The following POLQ variants were observed in gnomAD, a reference collection of about 807,000 sequenced individuals.
POLQ encodes the protein DNA polymerase theta.
POLQ carries 233 observed loss-of-function variants against 259.2 expected under a neutral mutation model. The ratio of observed to expected loss-of-function variants is 0.90; its 90% CI spans 0.81 to 1.00. POLQ has a LOEUF of 1.00. Among genes scored for constraint, POLQ ranks in the 50% least tolerant of loss-of-function variants. The pLI is 0.00. For synonymous variants in POLQ, 1,025 were observed against 1,048.8 expected (o/e 0.98, Z 0.44); for missense variants, 2,871 against 3,051.6 (o/e 0.94, Z 1.39).
chr3:121,455,079 CA>C (rs2047720862), intron 25 of POLQ, among the ~76,000 whole-genome samples: 1 of 151,130 alleles, frequency 6.6e-6, no homozygotes, highest in Admixed American at 6.6e-5. Context: ...TTAAGAAACT[CA>C]CTCAAAACCA....
rs781652004 is a variant in POLQ at position 121,489,884 on chromosome 3, A to G, written c.3047T>C (p.Val1016Ala). 2 of 1,603,826 alleles carry G rather than the reference A, an allele frequency of 1.2e-6. No homozygotes were observed. The highest frequency in any genetic ancestry group is 2.2e-5 in the East Asian group (1 of 44,840). Residue 1016 changes from valine to alanine, a missense_variant, in exon 16 of 30, where the codon GTT (valine) becomes GCT (alanine). This residue lies in a region of POLQ where 2,080 missense variants were observed against 2,126.0 expected (regional missense o/e 0.98). Coordinates refer to ENST00000264233, the MANE Select transcript of POLQ (RefSeq NM_199420.4). Reference sequence around the variant, plus strand: ...TTTTGTTTTCTGTGAAAAAGTCTGAACAACTTTCTTATCACTTGTTTTCCC... The same window carrying G: ...TTTTGTTTTCTGTGAAAAAGTCTGAGCAACTTTCTTATCACTTGTTTTCCC... ...NEGKTSDKKVVQTFSQKTKKA... is the reference protein window; with the variant it reads ...NEGKTSDKKVAQTFSQKTKKA...
At chr3:121,466,971 A>G (rs2047842294) in intron 24 of POLQ, among the ~76,000 whole-genome samples, 1 of 152,252 alleles carries the variant, frequency 6.6e-6, no homozygotes, top group South Asian at 2.1e-4. Context: ...TGCAAGTTAC[A>G]TCATAACTTC....
At chr3:121,482,601 C>T (rs1166406555) in intron 18 of POLQ, among the ~76,000 whole-genome samples, 3 of 58,854 alleles carry the variant, frequency 5.1e-5, no homozygotes, top group African/African-American at 8.4e-5. Flanking sequence ...TACACTTTCC[C>T]CTCAGAATGG....
At chr3:121,434,754 C>A (rs918086108) in intron 28 of POLQ, among the ~76,000 whole-genome samples, 1 of 152,164 alleles carries the variant, frequency 6.6e-6, no homozygotes, top group Non-Finnish European at 1.5e-5. Flanking sequence ...CTAGAAATAG[C>A]AAATCTCATC....
At position 121,537,212 on chromosome 3, in the gene POLQ, A is replaced by G. The variant is rs1481289875; in HGVS notation, c.632-4T>C. ...AATTCATCCACAACCACCATTCCTA[A>G]AAAGATTTTCCAGATACTAGGTTTT... On this transcript the variant is annotated splice_region_variant and splice_polypyrimidine_tract_variant and intron_variant, in intron 4 of 29. Coordinates refer to ENST00000264233, the MANE Select transcript of POLQ (RefSeq NM_199420.4). The G allele has an allele frequency of 1.3e-6, 2 of 1,537,412 alleles. No homozygotes were observed. The highest frequency in any genetic ancestry group is 1.8e-6 in the Non-Finnish European group (2 of 1,112,396).
At position 121,489,802 on chromosome 3, in the gene POLQ, T is replaced by C. The variant is rs2048050342; in HGVS notation, c.3129A>G (p.Lys1043=). 1 of 1,612,916 alleles carries C rather than the reference T, an allele frequency of 6.2e-7. No homozygotes were observed. The highest frequency in any genetic ancestry group is 1.3e-5 in the African/African-American group (1 of 75,012). The change falls in exon 16 of 30, where the codon AAA becomes AAG. Residue 1043 remains lysine (K), a synonymous_variant. Transcript: ENST00000264233. ...EKMSRSFRSW[K]RRKHLKRSRD... ...TAGATCGCTTTAGATGCTTTCTACG[T>C]TTCCAAGATCGAAAACTTCTGCTCA...
intron 20 of POLQ, among the ~76,000 whole-genome samples, chr3:121,473,916 A>T (rs1401001287): frequency 2.0e-5 from 3 of 151,984 alleles, no homozygotes; most frequent in Non-Finnish European, 4.4e-5. Flanking sequence ...TGGTAGAGAC[A>T]GGATTTCGCC....
At chr3:121,484,597 C>G (rs1161496897) in intron 17 of POLQ, among the ~76,000 whole-genome samples, 2 of 152,142 alleles carry the variant, frequency 1.3e-5, no homozygotes, top group African/African-American at 4.8e-5. Context: ...ATGCCAGCTG[C>G]TCTCCAAAAA....
chr3:121,467,438 C>T, intron 24 of POLQ, 81 bp downstream of exon 24: 1 of 1,374,230 alleles, frequency 7.3e-7, no homozygotes, highest in South Asian at 1.3e-5. Context: ...CTCTAAGTCT[C>T]ACTCATATTT....
chr3:121,473,727 C>CTTTT (rs10636473), intron 20 of POLQ, among the ~76,000 whole-genome samples: 32 of 114,250 alleles, frequency 2.8e-4, no homozygotes, highest in East Asian at 5.6e-4. Context: ...AACACAAGGC[C>CTTTT]TTTTTTTTTT....
At chr3:121,511,748 G>A (rs1055087156) in intron 10 of POLQ, 139 bp downstream of exon 10, 16 of 640,310 alleles carry the variant, frequency 2.5e-5, no homozygotes, top group South Asian at 2.0e-4. Context: ...ATTGTACTCC[G>A]GCCTGGGTAA....
At chr3:121,460,013 T>A in intron 25 of POLQ, 37 bp downstream of exon 25, 1 of 1,501,174 alleles carries the variant, frequency 6.7e-7, no homozygotes, top group Non-Finnish European at 9.2e-7. Context: ...GTCACTAAAT[T>A]CTTCTCCTTT....
chr3:121,490,183 G>T lies in POLQ; in HGVS notation c.2748C>A (p.Ser916=), dbSNP rs776619618. The T allele has an allele frequency of 1.9e-6, 3 of 1,611,706 alleles. No homozygotes were observed. The highest frequency in any genetic ancestry group is 2.5e-6 in the Non-Finnish European group (3 of 1,178,342). The change falls in exon 16 of 30, where the codon TCC becomes TCA. Residue 916 remains serine (S), a synonymous_variant. Coordinates refer to ENST00000264233, the MANE Select transcript of POLQ (RefSeq NM_199420.4). ...ATATAAATGTGTGTTCCTTTACTTC[G>T]GACTCACTATGAGTCAATGAGCATG... ...SSTCSLTHSE[S]EVKEHTFISQ... is the part of the protein sequence containing the mutation.
At position 121,490,166 on chromosome 3, in the gene POLQ, G is replaced by C; in HGVS notation, c.2765C>G (p.Thr922Arg). ...THSESEVKEH[T>R]FISQTKSSYK... The stretch of plus-strand genomic sequence containing the variant: ...AGAACTCTTAGTTTGGGATATAAAT[G>C]TGTGTTCCTTTACTTCGGACTCACT... The change falls in exon 16 of 30, where the codon ACA becomes AGA. Residue 922 changes from threonine (T) to arginine (R), a missense_variant. Physicochemically the swap from Thr to Arg is moderately conservative, Grantham distance 71. Around this residue, in one of 3 missense-constraint regions of POLQ, gnomAD observed 2,080 missense variants for 2,126.0 expected, o/e 0.98. Coordinates refer to ENST00000264233, the MANE Select transcript of POLQ (RefSeq NM_199420.4). The C allele has an allele frequency of 1.2e-6, 2 of 1,611,264 alleles. No individual in the cohort carries two copies. The highest frequency in any genetic ancestry group is 1.7e-6 in the Non-Finnish European group (2 of 1,177,874).
intron 2 of POLQ, among the ~76,000 whole-genome samples, chr3:121,542,429 G>A (rs1023240240): frequency 6.6e-5 from 10 of 152,218 alleles, no homozygotes; most frequent in African/African-American, 2.2e-4. Context: ...GGAATGCCAT[G>A]CCTAAGAAAC....
chr3:121,489,129 C>T lies in POLQ; in HGVS notation c.3802G>A (p.Val1268Ile), dbSNP rs142531238. The T allele has an allele frequency of 5.0e-4, 802 of 1,613,802 alleles. 6 individuals are homozygous for T. Among genetic ancestry groups the T allele is most frequent in the Middle Eastern group, 4.6e-3 (28 of 6,062 alleles). Reference protein sequence around the residue: ...DISRTVIPSEVLPSAGAFSKS... With the variant: ...DISRTVIPSEILPSAGAFSKS... ...CTAAATGCTCCAGCTGATGGAAGTA[C>T]TTCACTGGGTATCACAGTTCTGCTT... The change falls in exon 16 of 30, where the codon GTA becomes ATA. Residue 1268 changes from valine (V) to isoleucine (I), a missense_variant. Physicochemically the swap from Val to Ile is conservative, Grantham distance 29. This residue lies in a region of POLQ where 2,080 missense variants were observed against 2,126.0 expected (regional missense o/e 0.98). Coordinates refer to ENST00000264233, the MANE Select transcript of POLQ (RefSeq NM_199420.4).
At chr3:121,445,369 T>C (rs1049358522) in intron 26 of POLQ, among the ~76,000 whole-genome samples, 5 of 152,190 alleles carry the variant, frequency 3.3e-5, no homozygotes, top group African/African-American at 9.7e-5. Context: ...AGGTTGTATG[T>C]GTCTAGAAAT....
At chr3:121,438,967 T>A (rs1396772171) in intron 27 of POLQ, among the ~76,000 whole-genome samples, 1 of 152,154 alleles carries the variant, frequency 6.6e-6, no homozygotes, top group African/African-American at 2.4e-5. Flanking sequence ...AGCGGGGTAT[T>A]TTCATTATAT....
At position 121,522,010 on chromosome 3, in the gene POLQ, A is replaced by G; in HGVS notation, c.1248T>C (p.His416=). The change falls in exon 8 of 30, where the codon CAT becomes CAC. Residue 416 remains histidine, a synonymous_variant. Transcript: ENST00000264233. ...ATTATAAATATGAAATACCTGCATG[A>G]TGAAATGCTACTCCCCATGGTACAG... The part of the protein sequence containing the change: ...QKTVPWGVAF[H]HAGLTFEERD... 1.3e-6 allele frequency: 2 copies of G among 1,568,774 alleles called. No individual in the cohort carries two copies. Among genetic ancestry groups the G allele is most frequent in the South Asian group, 2.4e-5 (2 of 83,472 alleles).
Sources: allele counts gnomAD v4.1 joint callset (sites outside exome capture counted in the v4.1 genomes callset), GRCh38; gene constraint gnomAD v4.1.1; regional missense constraint gnomAD v4.1.1; transcripts MANE v1.5; gene names NCBI Gene and HGNC (gene_info 2026-07-23, HGNC 2026-07-21).